The following RBFOX1 variants were observed in gnomAD, a reference collection of about 807,000 sequenced individuals.
The protein encoded by RBFOX1 is RNA binding protein fox-1 homolog 1.
In RBFOX1, 8 loss-of-function variants were observed where a neutral mutation model predicts 57.7. The ratio of observed to expected loss-of-function variants is 0.14; its 90% CI spans 0.08 to 0.25. RBFOX1 has a LOEUF of 0.25. Ranked by LOEUF, RBFOX1 falls within the 10% of genes least tolerant of loss-of-function variation. RBFOX1 has a pLI of 1.00. For synonymous variants in RBFOX1, 326 were observed against 222.4 expected, an observed-to-expected ratio of 1.47 and a Z score of -4.15; for missense variants, 611 against 548.5, an observed-to-expected ratio of 1.11 and a Z score of -1.14.
intron 14 of RBFOX1, among the ~76,000 whole-genome samples, chr16:7,694,365 T>A (rs190852896): frequency 6.6e-6 from 1 of 152,188 alleles, no homozygotes; most frequent in African/African-American, 2.4e-5. Flanking sequence ...CACTCCCTAT[T>A]TACTGCCTTT....
At chr16:7,171,513 G>A (rs927910966) in intron 4 of RBFOX1, among the ~76,000 whole-genome samples, 1 of 152,170 alleles carries the variant, frequency 6.6e-6, no homozygotes, top group African/African-American at 2.4e-5. Flanking sequence ...AATCCTTAAT[G>A]TGACACAAAA....
At chr16:6,184,264 A>G (rs1380698578) in intron 1 of RBFOX1, among the ~76,000 whole-genome samples, 1 of 152,194 alleles carries the variant, frequency 6.6e-6, no homozygotes, top group Non-Finnish European at 1.5e-5. Context: ...CAGCCAAACC[A>G]TATCAGAGGA....
chr16:5,883,708 C>T (rs767415305), intron 4 of RBFOX1, among the ~76,000 whole-genome samples: 1 of 152,062 alleles, frequency 6.6e-6, no homozygotes, highest in Admixed American at 6.6e-5. Flanking sequence ...AGAACACAAG[C>T]CTTATAGGCA....
chr16:7,373,221 C>G (rs1381108088), intron 4 of RBFOX1, among the ~76,000 whole-genome samples: 4 of 152,108 alleles, frequency 2.6e-5, no homozygotes, highest in African/African-American at 9.7e-5. Context: ...GTGTGAGCCA[C>G]CGCGTCTGGC....
rs74985479 is a variant in RBFOX1, at chr16:6,537,202, A to G, written c.-63-117401A>G. 9.2e-5 allele frequency among the ~76,000 whole-genome samples: 14 copies of G among 152,216 alleles called. 1 individual carries two copies. The South Asian group carries it at 2.9e-3, about 32-fold the overall frequency. ...GTTTCGTAGGTCTGGGTGGAGCCTG[A>G]GATTCGGCACTTCTAATAAGCTTCC... On this transcript the variant is annotated intron_variant, in intron 2 of 15. Transcript: ENST00000550418.
At chr16:5,351,985 T>C (rs2065272205) in intron 1 of RBFOX1, among the ~76,000 whole-genome samples, 1 of 152,122 alleles carries the variant, frequency 6.6e-6, no homozygotes, top group Non-Finnish European at 1.5e-5. Context: ...TTTGTATTTT[T>C]AGTGGAGACA....
At chr16:6,770,113 C>G (rs561226668) in intron 3 of RBFOX1, among the ~76,000 whole-genome samples, 7 of 152,304 alleles carry the variant, frequency 4.6e-5, no homozygotes, top group Admixed American at 1.3e-4. Context: ...AAACAAGGAA[C>G]TTGTATTAAG....
intron 3 of RBFOX1, among the ~76,000 whole-genome samples, chr16:7,045,686 G>C (rs969361788): frequency 6.6e-6 from 1 of 151,536 alleles, no homozygotes; most frequent in African/African-American, 2.4e-5. Context: ...ACATTGTCTC[G>C]CTTTGTTGCC....
At chr16:6,061,050 ACGACCCATG>A (rs1193731305) in intron 1 of RBFOX1, among the ~76,000 whole-genome samples, 1 of 152,140 alleles carries the variant, frequency 6.6e-6, no homozygotes. Flanking sequence ...CACACTGATT[ACGACCCATG>A]CATTCATTTA....
intron 2 of RBFOX1, among the ~76,000 whole-genome samples, chr16:5,506,040 G>C (rs2151709360): frequency 6.6e-6 from 1 of 152,272 alleles, no homozygotes; most frequent in African/African-American, 2.4e-5. Flanking sequence ...GTATCTCTCA[G>C]AGTCCTAGAC....
intron 1 of RBFOX1, among the ~76,000 whole-genome samples, chr16:5,310,360 C>T (rs2064053260): frequency 1.3e-5 from 2 of 152,128 alleles, no homozygotes; most frequent in South Asian, 2.1e-4. Context: ...GAGATCATGC[C>T]ACTGTACTCC....
At chr16:5,903,107 T>G (rs977663776) in intron 4 of RBFOX1, among the ~76,000 whole-genome samples, 1 of 152,054 alleles carries the variant, frequency 6.6e-6, no homozygotes, top group African/African-American at 2.4e-5. Context: ...TGGGTGTGTG[T>G]GTGTGGGTGT....
intron 1 of RBFOX1, among the ~76,000 whole-genome samples, chr16:5,341,709 A>G (rs908112457): frequency 6.6e-6 from 1 of 152,222 alleles, no homozygotes. Flanking sequence ...CCCTAGGTCC[A>G]TGCATCATAC....
intron 3 of RBFOX1, among the ~76,000 whole-genome samples, chr16:7,010,194 A>G (rs982248256): frequency 1.3e-5 from 2 of 152,252 alleles, no homozygotes; most frequent in South Asian, 2.1e-4. Flanking sequence ...GGTCCCTTAT[A>G]CATATATGTC....
intron 3 of RBFOX1, among the ~76,000 whole-genome samples, chr16:5,714,861 G>A (rs952350027): frequency 3.9e-5 from 6 of 152,168 alleles, no homozygotes; most frequent in Admixed American, 6.5e-5. Context: ...GTGAGCCAAG[G>A]TCACGTAGCT....
At chr16:6,194,122 TTCCTTCCCTCA>T (rs2097164763) in intron 1 of RBFOX1, among the ~76,000 whole-genome samples, 1 of 152,176 alleles carries the variant, frequency 6.6e-6, no homozygotes, top group African/African-American at 2.4e-5. Context: ...TTTCATACCG[TTCCTTCCCTCA>T]TCCTCTCTCA....
intron 4 of RBFOX1, among the ~76,000 whole-genome samples, chr16:7,341,776 CTCCT>C (rs767808435): frequency 0.045 from 4,314 of 95,022 alleles, 203 homozygotes; most frequent in African/African-American, 0.12. Context: ...CCCTCCCTCC[CTCCT>C]TCCTTCCTTC....
chr16:6,097,859 G>T lies in RBFOX1; in HGVS notation c.-127+77867G>T, dbSNP rs949471475. On this transcript the variant is annotated intron_variant, in intron 1 of 15. Coordinates refer to ENST00000550418, the MANE Select transcript of RBFOX1 (RefSeq NM_018723.4). This position sits in a 1 kb window ranked among gnomAD's most constrained non-coding sequence, Gnocchi z 5.0. The stretch of plus-strand genomic sequence containing the variant: ...TGGAAGTCCCTTGGAAGTGGGGGAC[G>T]TGTCTGATTTGTGCATGGCTATTTT... 2.0e-5 allele frequency among the ~76,000 whole-genome samples: 3 copies of T among 151,844 alleles called. No homozygotes were observed. Among genetic ancestry groups the T allele is most frequent in the African/African-American group, 7.3e-5 (3 of 41,304 alleles).
chr16:7,526,832 C>G (rs1424134346), intron 5 of RBFOX1, among the ~76,000 whole-genome samples: 1 of 152,192 alleles, frequency 6.6e-6, no homozygotes, highest in Non-Finnish European at 1.5e-5. Flanking sequence ...AAATCACTTA[C>G]TGAAGGTCAC....
Sources: gnomAD v4.1 joint callset for allele counts (sites outside exome capture counted in the v4.1 genomes callset) on GRCh38, gnomAD v4.1.1 for gene constraint, Gnocchi (gnomAD v3.1) non-coding constraint, MANE v1.5 for transcripts, NCBI Gene and HGNC (gene_info 2026-07-23, HGNC 2026-07-21) for gene names.